Variants in MAPT observed in about 807,000 individuals in gnomAD.
MAPT encodes microtubule-associated protein tau.
MAPT carries 34 observed loss-of-function variants against 67.9 expected under a neutral mutation model. The ratio of observed to expected loss-of-function variants is 0.50; its 90% CI spans 0.38 to 0.67. The LOEUF is 0.67. Ranked by LOEUF, MAPT falls within the 30% of genes least tolerant of loss-of-function variation. The pLI, the probability that MAPT is intolerant of heterozygous loss-of-function variation, is 0.00. For missense variants in MAPT, 881 were observed against 1,115.2 expected (o/e 0.79, Z 2.99); for synonymous variants, 456 against 464.5 (o/e 0.98, Z 0.23).
intron 1 of MAPT, among the ~76,000 whole-genome samples, chr17:45,909,910 C>T (rs1422991745): frequency 7.1e-6 from 1 of 139,910 alleles, no homozygotes; most frequent in Non-Finnish European, 1.5e-5. Flanking sequence ...CCTGGTGGAG[C>T]ACTACGTGTA....
intron 1 of MAPT, among the ~76,000 whole-genome samples, chr17:45,946,465 G>T (rs1261577727): frequency 6.6e-6 from 1 of 151,302 alleles, no homozygotes. Context: ...AGCCAGGCGT[G>T]GTGGGTGCCT....
intron 12 of MAPT, among the ~76,000 whole-genome samples, chr17:46,021,153 G>A (rs1252050898): frequency 6.6e-6 from 1 of 152,218 alleles, no homozygotes; most frequent in African/African-American, 2.4e-5. Context: ...CAGATGCTGC[G>A]AACTGTGGCC....
intron 1 of MAPT, among the ~76,000 whole-genome samples, chr17:45,940,224 G>A (rs181455183): frequency 1.3e-5 from 2 of 152,204 alleles, no homozygotes; most frequent in South Asian, 2.1e-4. Flanking sequence ...TGTTTTCTGC[G>A]TTAATCTGGG....
At position 46,024,684 on chromosome 17, in the gene MAPT, T is replaced by A. The variant is rs1394784011; in HGVS notation, c.*513T>A. 2 of 16,570 alleles carry A rather than the reference T, an allele frequency of 1.2e-4. No individual in the cohort carries two copies. The highest frequency in any genetic ancestry group is 2.2e-4 in the Non-Finnish European group (2 of 9,276). 1.0% of individuals were successfully genotyped at this position (16,570 alleles called of 1,614,324 possible). On this transcript the variant is annotated 3_prime_UTR_variant, in exon 13 of 13. Transcript: ENST00000262410. ...AACCTTGTGTGAGTGTGACGGGGGT[T>A]GGGGTGGGGCGGGAGGCCACGGGGG...
Position 45,983,485 on chromosome 17 carries a change from C to T in MAPT, c.906C>T (p.Ser302=), listed in dbSNP as rs748777698. ...EVDEDRDVDE[S]SPQDSPPSKA... is the part of the protein sequence containing the mutation. ...ATGAAGACCGCGACGTCGATGAGTC[C>T]TCCCCCCAAGACTCCCCTCCCTCCA... Residue 302 remains serine, a synonymous_variant, in exon 5 of 13, where the codon TCC becomes TCT. Transcript: ENST00000262410. 16 of 1,611,084 alleles carry T rather than the reference C, an allele frequency of 9.9e-6. No individual in the cohort carries two copies. Among genetic ancestry groups the T allele is most frequent in the Non-Finnish European group, 1.4e-5 (16 of 1,178,648 alleles).
At chr17:45,923,230 A>G (rs2065932776) in intron 1 of MAPT, among the ~76,000 whole-genome samples, 1 of 152,178 alleles carries the variant, frequency 6.6e-6, no homozygotes, top group African/African-American at 2.4e-5. Context: ...GATGCTGTAG[A>G]TACTAAGGAT....
Position 45,962,446 on chromosome 17 carries a change from G to A in MAPT, c.109G>A (p.Gly37Ser), listed in dbSNP as rs146476223. ...GGYTMHQDQE[G>S]DTDAGLKESP... is the part of the protein sequence containing the mutation. Reference sequence around the variant, plus strand: ...CTACACCATGCACCAAGACCAAGAGGGTGACACGGACGCTGGCCTGAAAGG... The same window carrying A: ...CTACACCATGCACCAAGACCAAGAGAGTGACACGGACGCTGGCCTGAAAGG... Residue 37 changes from glycine to serine, a missense_variant, in exon 2 of 13, where the codon GGT becomes AGT. Gly to Ser is a moderately conservative substitution (Grantham distance 56, BLOSUM62 0). Coordinates refer to ENST00000262410, the MANE Select transcript of MAPT (RefSeq NM_001377265.1). The A allele has an allele frequency of 1.2e-6, 2 of 1,612,846 alleles. No homozygotes were observed. The highest frequency in any genetic ancestry group is 1.7e-6 in the Non-Finnish European group (2 of 1,179,922).
chr17:45,959,189 G>A (rs4792896), intron 1 of MAPT, among the ~76,000 whole-genome samples: 5 of 152,134 alleles, frequency 3.3e-5, no homozygotes, highest in Admixed American at 6.5e-5. Context: ...GAGACTTCCC[G>A]TATGTTCCCT....
At chr17:45,907,752 G>A (rs962520867) in intron 1 of MAPT, 7 of 152,220 alleles carry the variant, frequency 4.6e-5, no homozygotes, top group African/African-American at 1.4e-4. Flanking sequence ...GTCCAAATGA[G>A]TTTTGCTATA....
chr17:45,918,054 A>G (rs1190546817), intron 1 of MAPT, among the ~76,000 whole-genome samples: 1 of 152,110 alleles, frequency 6.6e-6, no homozygotes, highest in Non-Finnish European at 1.5e-5. Context: ...GATTACAGGC[A>G]TGAGCCACCA....
At chr17:46,006,249 A>G (rs1333070309) in intron 9 of MAPT, among the ~76,000 whole-genome samples, 1 of 152,222 alleles carries the variant, frequency 6.6e-6, no homozygotes, top group African/African-American at 2.4e-5. Context: ...ATGGAATACT[A>G]TTCAGCCATG....
chr17:45,981,337 A>C (rs2072927447), intron 4 of MAPT, among the ~76,000 whole-genome samples: 1 of 112,290 alleles, frequency 8.9e-6, no homozygotes, highest in South Asian at 2.4e-4. Flanking sequence ...ATTTATTAGG[A>C]GAACCAAGGA....
chr17:46,004,796 T>C (rs2075292823), intron 9 of MAPT, among the ~76,000 whole-genome samples: 1 of 152,174 alleles, frequency 6.6e-6, no homozygotes, highest in African/African-American at 2.4e-5. Context: ...GTTTGCTTGT[T>C]TTTTTGAGAC....
At chr17:45,905,086 C>T (rs2064212512) in intron 1 of MAPT, among the ~76,000 whole-genome samples, 1 of 152,216 alleles carries the variant, frequency 6.6e-6, no homozygotes, top group Non-Finnish European at 1.5e-5. Context: ...TGGCCCCAAT[C>T]CCCAGTGCAG....
At chr17:46,011,418 TTAAAA>T (rs1403119037) in intron 10 of MAPT, among the ~76,000 whole-genome samples, 1 of 152,078 alleles carries the variant, frequency 6.6e-6, no homozygotes, top group Non-Finnish European at 1.5e-5. Context: ...TATAATAATT[TTAAAA>T]TAAATAGATT....
At position 46,024,121 on chromosome 17, in the gene MAPT, G is replaced by C; in HGVS notation, c.2452G>C (p.Ala818Pro). The C allele has an allele frequency of 6.2e-7, 1 of 1,614,100 alleles. No individual in the cohort carries two copies. Among genetic ancestry groups the C allele is most frequent in the Non-Finnish European group, 8.5e-7 (1 of 1,180,024 alleles). ...CGACATGGTAGACTCGCCCCAGCTC[G>C]CCACGCTAGCTGACGAGGTGTCTGC... The part of the protein sequence containing the change: ...SIDMVDSPQL[A>P]TLADEVSASL... Residue 818 changes from alanine to proline, a missense_variant, in exon 13 of 13, where the codon GCC becomes CCC. This residue lies in a region of MAPT where 79 missense variants were observed against 150.9 expected (regional missense o/e 0.52). Transcript: ENST00000262410.
chr17:45,961,017 C>T (rs1300404848), intron 1 of MAPT, among the ~76,000 whole-genome samples: 1 of 152,106 alleles, frequency 6.6e-6, no homozygotes, highest in East Asian at 1.9e-4. Context: ...ATCCAAAGAA[C>T]AAAACCACTG....
Position 46,002,157 on chromosome 17 carries a change from C to T in MAPT, c.1998+5493C>T, listed in dbSNP as rs190403801. On this transcript the variant is annotated intron_variant, in intron 9 of 12. Transcript: ENST00000262410. Reference sequence around the variant, plus strand: ...ACTGGCAGAAGAGAGGTTGGGGCAGCTGCAAGCCTCTGGACATCGCCCGAC... The same window carrying T: ...ACTGGCAGAAGAGAGGTTGGGGCAGTTGCAAGCCTCTGGACATCGCCCGAC... Among the ~76,000 whole-genome samples the T allele has an allele frequency of 5.2e-4, 79 of 152,316 alleles. 2 individuals carry two copies. In the Middle Eastern group the frequency reaches 0.01, roughly 20 times the overall value.
intron 1 of MAPT, chr17:45,895,040 G>A (rs1026042119): frequency 2.0e-5 from 3 of 149,768 alleles, no homozygotes; most frequent in Non-Finnish European, 4.3e-5. Context: ...GCCTTTTGCC[G>A]CAATGGGCGT....
Sources: gnomAD v4.1 joint callset for allele counts (sites outside exome capture counted in the v4.1 genomes callset) on GRCh38, gnomAD v4.1.1 for gene constraint, gnomAD v4.1.1 regional missense constraint, MANE v1.5 for transcripts, NCBI Gene and HGNC (gene_info 2026-07-23, HGNC 2026-07-21) for gene names.